The following FARS2 variants were observed in gnomAD, a reference collection of about 807,000 sequenced individuals.
The protein encoded by FARS2 is phenylalanine--tRNA ligase, mitochondrial.
Under a neutral mutation model 46.4 loss-of-function variants are expected in FARS2, and 40 were observed. The ratio of observed to expected loss-of-function variants is 0.86; its 90% CI spans 0.67 to 1.12. The LOEUF is 1.12. FARS2 is among the 50% of genes most tolerant of loss of function. FARS2 has a pLI of 0.00. For missense variants in FARS2, 513 were observed against 567.9 expected (o/e 0.90, Z 0.98); for synonymous variants, 234 against 214.9 (o/e 1.09, Z -0.78).
chr6:5,761,191 A>G (rs1206671695), intron 6 of FARS2, among the ~76,000 whole-genome samples: 1 of 152,168 alleles, frequency 6.6e-6, no homozygotes, highest in East Asian at 1.9e-4. Flanking sequence ...CAAGTTGTCT[A>G]TGGTCCATGC....
chr6:5,741,071 C>T (rs925849577), intron 6 of FARS2, among the ~76,000 whole-genome samples: 4 of 151,614 alleles, frequency 2.6e-5, no homozygotes, highest in Admixed American at 2.6e-4. Flanking sequence ...GCCTGCCCTT[C>T]CTCCCACACC....
At chr6:5,436,026 C>T (rs554093610) in intron 4 of FARS2, among the ~76,000 whole-genome samples, 4 of 142,532 alleles carry the variant, frequency 2.8e-5, no homozygotes, top group Non-Finnish European at 6.3e-5. Context: ...AGCATTGCTC[C>T]TGCTTTTGAA....
intron 3 of FARS2, among the ~76,000 whole-genome samples, chr6:5,411,137 G>A (rs986793056): frequency 1.3e-5 from 2 of 152,182 alleles, no homozygotes; most frequent in African/African-American, 4.8e-5. Context: ...ATCAGGGCCA[G>A]GCCCAATGGC....
At chr6:5,546,295 C>T (rs559131339) in intron 5 of FARS2, among the ~76,000 whole-genome samples, 129 of 145,260 alleles carry the variant, frequency 8.9e-4, no homozygotes, top group African/African-American at 3.0e-3. Flanking sequence ...CTCACTCTGT[C>T]GCCTGGGCTG....
chr6:5,597,468 G>A (rs1774262098), intron 5 of FARS2, among the ~76,000 whole-genome samples: 2 of 152,228 alleles, frequency 1.3e-5, no homozygotes, highest in Non-Finnish European at 2.9e-5. Context: ...AGCAGCCATT[G>A]CAGGCAAGAC....
chr6:5,710,490 G>A (rs1372887335), intron 6 of FARS2, among the ~76,000 whole-genome samples: 2 of 152,238 alleles, frequency 1.3e-5, no homozygotes, highest in African/African-American at 4.8e-5. Context: ...TGGACATAGA[G>A]TAGTCCAGGA....
chr6:5,658,848 C>A (rs570477537), intron 6 of FARS2, among the ~76,000 whole-genome samples: 10 of 152,158 alleles, frequency 6.6e-5, no homozygotes, highest in Non-Finnish European at 1.2e-4. Context: ...TTTCCACAGA[C>A]CCTGAAAATA....
intron 6 of FARS2, among the ~76,000 whole-genome samples, chr6:5,700,408 A>G (rs1316162347): frequency 6.6e-6 from 1 of 151,350 alleles, no homozygotes; most frequent in Non-Finnish European, 1.5e-5. Context: ...AGCAGTGGCA[A>G]TTTCTTTTTT....
intron 1 of FARS2, among the ~76,000 whole-genome samples, chr6:5,338,589 C>A (rs1771332675): frequency 6.7e-6 from 1 of 149,958 alleles, no homozygotes; most frequent in African/African-American, 2.5e-5. Context: ...ACCCAACCCA[C>A]CTGCACAGAA....
chr6:5,415,398 T>C (rs1463780289), intron 3 of FARS2, among the ~76,000 whole-genome samples: 1 of 131,850 alleles, frequency 7.6e-6, no homozygotes, highest in Non-Finnish European at 1.6e-5. Context: ...CACTGCAACC[T>C]CCACCTCCTG....
At chr6:5,763,787 A>G (rs1467037083) in intron 6 of FARS2, among the ~76,000 whole-genome samples, 1 of 142,366 alleles carries the variant, frequency 7.0e-6, no homozygotes, top group South Asian at 2.2e-4. Flanking sequence ...TTTTTTTTTT[A>G]ACATAGAGAA....
chr6:5,474,434 ATGT>A (rs1398739605), intron 4 of FARS2, among the ~76,000 whole-genome samples: 3 of 152,050 alleles, frequency 2.0e-5, no homozygotes, highest in African/African-American at 7.2e-5. Context: ...TCTGAGAAAC[ATGT>A]TGTTAGGCAA....
chr6:5,494,658 C>G (rs570354738), intron 4 of FARS2, among the ~76,000 whole-genome samples: 10 of 152,280 alleles, frequency 6.6e-5, no homozygotes, highest in Non-Finnish European at 1.2e-4. Flanking sequence ...TTGGAGTATT[C>G]TCTTCTGTTG....
intron 2 of FARS2, among the ~76,000 whole-genome samples, chr6:5,371,610 T>C (rs747996205): frequency 9.2e-5 from 14 of 152,138 alleles, no homozygotes; most frequent in Non-Finnish European, 1.9e-4. Context: ...GAGTAATCAA[T>C]AGATATTGAA....
chr6:5,307,018 A>AT (rs1364786136), intron 1 of FARS2, among the ~76,000 whole-genome samples: 1 of 152,058 alleles, frequency 6.6e-6, no homozygotes, highest in East Asian at 1.9e-4. Flanking sequence ...AGGACATTTA[A>AT]TTTTTCTTTC....
At chr6:5,577,131 T>C (rs1405871132) in intron 5 of FARS2, among the ~76,000 whole-genome samples, 1 of 152,174 alleles carries the variant, frequency 6.6e-6, no homozygotes, top group Non-Finnish European at 1.5e-5. Flanking sequence ...AATAATGGTG[T>C]GGGTGAGCAA....
intron 4 of FARS2, among the ~76,000 whole-genome samples, chr6:5,452,942 C>G (rs1360839610): frequency 6.6e-6 from 1 of 152,082 alleles, no homozygotes; most frequent in Non-Finnish European, 1.5e-5. Context: ...CCCACCTAAT[C>G]ATATCACTAG....
chr6:5,432,349 TATTA>T (rs1326835081), intron 4 of FARS2, among the ~76,000 whole-genome samples: 2 of 32,018 alleles, frequency 6.2e-5, no homozygotes, highest in African/African-American at 2.0e-4. Context: ...TATATATATA[TATTA>T]TATATATATA....
intron 4 of FARS2, among the ~76,000 whole-genome samples, chr6:5,532,460 T>C (rs1191422228): frequency 6.6e-6 from 1 of 152,164 alleles, no homozygotes; most frequent in African/African-American, 2.4e-5. Flanking sequence ...TTCTGTAATA[T>C]ATGAATGTTG....
Sources: gnomAD v4.1 joint callset for allele counts (sites outside exome capture counted in the v4.1 genomes callset) on GRCh38, gnomAD v4.1.1 for gene constraint, MANE v1.5 for transcripts, NCBI Gene and HGNC (gene_info 2026-07-23, HGNC 2026-07-21) for gene names.